Variants in NOM1 observed in about 807,000 individuals in gnomAD.
NOM1 encodes nucleolar MIF4G domain-containing protein 1.
NOM1 carries 58 observed loss-of-function variants against 73.3 expected under a neutral mutation model. The observed-to-expected ratio is 0.79, with a 90% CI of 0.64 to 0.99. The LOEUF (loss-of-function observed/expected upper bound fraction) is 0.99. NOM1 is among the 50% of genes least tolerant of loss of function. The pLI, the probability that NOM1 is intolerant of heterozygous loss-of-function variation, is 0.00. For missense variants in NOM1, 1,226 were observed against 1,131.9 expected, an observed-to-expected ratio of 1.08 and a Z score of -1.19; for synonymous variants, 487 against 446.8, an observed-to-expected ratio of 1.09 and a Z score of -1.14.
intron 8 of NOM1, among the ~76,000 whole-genome samples, chr7:156,966,671 G>A (rs977797549): frequency 6.6e-6 from 1 of 152,152 alleles, no homozygotes; most frequent in Non-Finnish European, 1.5e-5. Flanking sequence ...CACCTCGTCG[G>A]TTCACAGTGC....
chr7:156,966,458 C>G lies in NOM1; in HGVS notation c.2166+56C>G, dbSNP rs1025425541. 3.6e-5 allele frequency: 58 copies of G among 1,600,070 alleles called. No individual in the cohort carries two copies. In the African/African-American group the frequency reaches 7.0e-4, roughly 19 times the overall value. On this transcript the variant is annotated intron_variant, in intron 8 of 10. Transcript: ENST00000275820. The stretch of plus-strand genomic sequence containing the variant: ...CGCTCTACTATTTTTTCTACACAGG[C>G]TACCTGGCTCAACCCACCTGCAAAG...
chr7:156,969,515 C>G lies in NOM1; in HGVS notation c.2409-14C>G. The G allele has an allele frequency of 6.2e-7, 1 of 1,609,224 alleles. No homozygotes were observed. The highest frequency in any genetic ancestry group is 8.5e-7 in the Non-Finnish European group (1 of 1,176,984). The stretch of plus-strand genomic sequence containing the variant: ...AGCTCAGCCCTGACATGTGTTTATA[C>G]GATTCCTTTCCAGAGTATCTGACAA... On this transcript the variant is annotated splice_polypyrimidine_tract_variant and intron_variant, in intron 10 of 10. Coordinates refer to ENST00000275820, the MANE Select transcript of NOM1 (RefSeq NM_138400.2).
intron 1 of NOM1, among the ~76,000 whole-genome samples, chr7:156,951,002 A>G (rs760708857): frequency 6.6e-6 from 1 of 152,254 alleles, no homozygotes; most frequent in Non-Finnish European, 1.5e-5. Context: ...TTACCAGCCC[A>G]GGTCTCTAAA....
intron 3 of NOM1, among the ~76,000 whole-genome samples, chr7:156,958,082 C>G (rs1586568688): frequency 7.0e-6 from 1 of 142,096 alleles, no homozygotes; most frequent in South Asian, 2.5e-4. Context: ...CTGGATTCTT[C>G]TAGCGTTGAT....
At position 156,963,106 on chromosome 7, in the gene NOM1, C is replaced by T. The variant is rs374913089; in HGVS notation, c.1842C>T (p.Ser614=). ...EQTGRWWIVG[S]AWSGAPMIDN... ...CGGGTCGCTGGTGGATTGTGGGGTC[C>T]GCCTGGAGTGGGGCCCCGATGATCG... The change falls in exon 6 of 11, where the codon TCC becomes TCT. Residue 614 remains serine (S), a synonymous_variant. Transcript: ENST00000275820. 9.3e-6 allele frequency: 15 copies of T among 1,614,046 alleles called. No individual in the cohort carries two copies. Among genetic ancestry groups the T allele is most frequent in the South Asian group, 6.6e-5 (6 of 91,088 alleles).
At chr7:156,961,089 G>A (rs1264257851) in intron 4 of NOM1, among the ~76,000 whole-genome samples, 1 of 152,186 alleles carries the variant, frequency 6.6e-6, no homozygotes, top group African/African-American at 2.4e-5. Context: ...TCTCGTAGAG[G>A]GGGTCCTGGG....
At position 156,966,979 on chromosome 7, in the gene NOM1, A is replaced by T. The variant is rs778173469; in HGVS notation, c.2185A>T (p.Ile729Leu). ...ATACTAGATGACTTTCCAGTTCAGC[A>T]TATGGGACAAATTTCGGGACTTGGA... Reference protein sequence around the residue: ...RRFQMTFQFSIWDKFRDLENL... With the variant: ...RRFQMTFQFSLWDKFRDLENL... Residue 729 changes from isoleucine to leucine, a missense_variant, in exon 9 of 11, where the codon ATA becomes TTA. Ile to Leu is a conservative substitution (Grantham distance 5). Transcript: ENST00000275820. 6.2e-7 allele frequency: 1 copy of T among 1,613,892 alleles called. No individual in the cohort carries two copies. Among genetic ancestry groups the T allele is most frequent in the African/African-American group, 1.3e-5 (1 of 74,966 alleles).
At chr7:156,965,968 G>T (rs1177108193) in intron 7 of NOM1, among the ~76,000 whole-genome samples, 1 of 152,150 alleles carries the variant, frequency 6.6e-6, no homozygotes, top group Non-Finnish European at 1.5e-5. Flanking sequence ...AGCTCTAAGG[G>T]CACACACGAT....
intron 3 of NOM1, among the ~76,000 whole-genome samples, chr7:156,956,997 G>A (rs1456018341): frequency 6.6e-6 from 1 of 151,076 alleles, no homozygotes; most frequent in East Asian, 2.0e-4. Context: ...GCCACAGACC[G>A]TGACCACCCA....
chr7:156,966,055 C>CGAG (rs1804988315), intron 7 of NOM1: 1 of 589,826 alleles, frequency 1.7e-6, no homozygotes, highest in Non-Finnish European at 3.0e-6. Flanking sequence ...GTCTTGTCTC[C>CGAG]TCTGACATTT....
chr7:156,969,107 G>T lies in NOM1; in HGVS notation c.2319G>T (p.Leu773Phe). 6.3e-7 allele frequency: 1 copy of T among 1,586,758 alleles called. No homozygotes were observed. Among genetic ancestry groups the T allele is most frequent in the Non-Finnish European group, 8.7e-7 (1 of 1,155,016 alleles). Reference protein sequence around the residue: ...SILKVVEFSELDKPRVRFLRK... With the variant: ...SILKVVEFSEFDKPRVRFLRK... ...ATTAGGTAGTTGAATTCAGTGAATT[G>T]GACAAACCCAGAGTCCGTTTTTTAC... The change falls in exon 10 of 11, where the codon TTG becomes TTT. Residue 773 changes from leucine (L) to phenylalanine (F), a missense_variant. Physicochemically the swap from Leu to Phe is conservative, Grantham distance 22 (BLOSUM62 0). Coordinates refer to ENST00000275820, the MANE Select transcript of NOM1 (RefSeq NM_138400.2).
At chr7:156,960,280 G>T in intron 4 of NOM1, 106 bp downstream of exon 4, 1 of 927,022 alleles carries the variant, frequency 1.1e-6, no homozygotes, top group African/African-American at 1.7e-5. Flanking sequence ...CTTTCCTAGT[G>T]ATTTCTGTTT....
chr7:156,962,294 C>A, intron 5 of NOM1, 33 bp downstream of exon 5: 1 of 1,519,474 alleles, frequency 6.6e-7, no homozygotes, highest in South Asian at 1.1e-5. Flanking sequence ...CTGTTTTGCT[C>A]AGAGCTTCCG....
intron 9 of NOM1, 57 bp from the exon 10 acceptor site, chr7:156,969,030 T>C: frequency 4.4e-6 from 4 of 903,768 alleles, no homozygotes; most frequent in Middle Eastern, 4.4e-4. Flanking sequence ...TTACAAATCA[T>C]TGAAAAAGTT....
At chr7:156,964,913 C>T (rs1037015997) in intron 7 of NOM1, among the ~76,000 whole-genome samples, 1 of 152,096 alleles carries the variant, frequency 6.6e-6, no homozygotes, top group African/African-American at 2.4e-5. Context: ...CCTTTGTACT[C>T]GAAGGACTTC....
rs878855607 is a variant in NOM1 at position 156,966,467 on chromosome 7, T to G, written c.2166+65T>G. The G allele has an allele frequency of 5.2e-5, 82 of 1,584,698 alleles. No individual in the cohort carries two copies. In the South Asian group the frequency reaches 8.9e-4, roughly 17 times the overall value. ...ATTTTTTCTACACAGGCTACCTGGC[T>G]CAACCCACCTGCAAAGGAGTTCCCC... On this transcript the variant is annotated intron_variant, in intron 8 of 10. Transcript: ENST00000275820.
In NOM1 at chr7:156,966,355, T is replaced by C. The variant is rs1406650141; in HGVS notation, c.2119T>C (p.Tyr707His). 1.2e-6 allele frequency: 2 copies of C among 1,614,240 alleles called. No individual in the cohort carries two copies. Among genetic ancestry groups the C allele is most frequent in the Admixed American group, 3.3e-5 (2 of 60,030 alleles). Residue 707 changes from tyrosine (Y) to histidine (H), a missense_variant, in exon 8 of 11, where the codon TAT (tyrosine) becomes CAT (histidine). By Grantham distance (83) the Tyr-to-His change is moderately conservative. Transcript: ENST00000275820. Reference protein sequence around the residue: ...CLQEKTYNPFYAFLASKFCEY... With the variant: ...CLQEKTYNPFHAFLASKFCEY... ...TCAAGAGAAAACTTACAATCCCTTC[T>C]ATGCTTTCCTGGCTAGCAAATTCTG...
chr7:156,952,146 G>A (rs575758824), intron 1 of NOM1, among the ~76,000 whole-genome samples: 3 of 152,268 alleles, frequency 2.0e-5, no homozygotes, highest in Middle Eastern at 3.4e-3. Context: ...AGTTAAGGCC[G>A]AGCAAAAGCG....
rs1417040047 is a variant in NOM1 at position 156,950,010 on chromosome 7, C to T, written c.273C>T (p.His91=). 1.1e-5 allele frequency: 17 copies of T among 1,541,160 alleles called. No homozygotes were observed. The South Asian group carries it at 1.7e-4, about 15-fold the overall frequency. Residue 91 remains histidine, a synonymous_variant, in exon 1 of 11, where the codon CAC becomes CAT. Coordinates refer to ENST00000275820, the MANE Select transcript of NOM1 (RefSeq NM_138400.2). The part of the protein sequence containing the change: ...SRKELRKEKR[H]LRKARRLQRT... ...AGGAACTGAGGAAGGAGAAGCGGCA[C>T]CTGCGGAAAGCACGCCGGCTGCAGA...
Sources: gnomAD v4.1 joint callset for allele counts (sites outside exome capture counted in the v4.1 genomes callset) on GRCh38, gnomAD v4.1.1 for gene constraint, MANE v1.5 for transcripts, NCBI Gene and HGNC (gene_info 2026-07-23, HGNC 2026-07-21) for gene names.